Variants in ANTXR2 observed in about 807,000 individuals in gnomAD.
ANTXR2 encodes the protein anthrax toxin receptor 2.
ANTXR2 carries 44 observed loss-of-function variants against 73.7 expected under a neutral mutation model. The observed-to-expected ratio is 0.60, with a 90% CI of 0.47 to 0.77. ANTXR2 has a LOEUF of 0.77. Ranked by LOEUF, ANTXR2 falls within the 30% of genes least tolerant of loss-of-function variation. The probability of loss-of-function intolerance (pLI) is 0.00; values close to 1 mark genes in which losing one functional copy is unlikely to be tolerated. For synonymous variants in ANTXR2, 217 were observed against 205.9 expected (o/e 1.05, Z -0.46); for missense variants, 604 against 592.5 (o/e 1.02, Z -0.20).
chr4:80,005,566 T>C (rs1731264465), intron 12 of ANTXR2, among the ~76,000 whole-genome samples: 1 of 152,068 alleles, frequency 6.6e-6, no homozygotes, highest in South Asian at 2.1e-4. Context: ...CTCTGAAAAC[T>C]CAAGATCCTT....
intron 16 of ANTXR2, among the ~76,000 whole-genome samples, chr4:79,943,823 T>C (rs1240718992): frequency 6.6e-6 from 1 of 152,020 alleles, no homozygotes; most frequent in Non-Finnish European, 1.5e-5. Context: ...TGATGTCTGG[T>C]TACTGCTTTA....
chr4:79,982,064 A>C (rs1729915380), intron 14 of ANTXR2, among the ~76,000 whole-genome samples: 1 of 152,206 alleles, frequency 6.6e-6, no homozygotes, highest in Non-Finnish European at 1.5e-5. Context: ...TCCTTTAAAA[A>C]GAGATCTCAA....
intron 12 of ANTXR2, among the ~76,000 whole-genome samples, chr4:79,994,832 T>C (rs933058628): frequency 2.6e-5 from 4 of 152,004 alleles, no homozygotes; most frequent in Non-Finnish European, 5.9e-5. Flanking sequence ...CAAGATAAAC[T>C]ATCAAAGCCC....
chr4:79,977,432 G>T, intron 16 of ANTXR2, 189 bp downstream of exon 16: 1 of 1,169,876 alleles, frequency 8.5e-7, no homozygotes, highest in Non-Finnish European at 1.1e-6. Context: ...GTGTAAAAAT[G>T]TAGTTTGAAG....
chr4:80,000,885 A>G (rs924337446), intron 12 of ANTXR2, among the ~76,000 whole-genome samples: 2 of 152,056 alleles, frequency 1.3e-5, no homozygotes, highest in Non-Finnish European at 2.9e-5. Flanking sequence ...CAATATCTGA[A>G]TATGAATGAA....
At chr4:79,955,491 A>T (rs1306976057) in intron 16 of ANTXR2, among the ~76,000 whole-genome samples, 1 of 152,180 alleles carries the variant, frequency 6.6e-6, no homozygotes, top group Non-Finnish European at 1.5e-5. Context: ...ATTTAAACAT[A>T]TTCTAAACAA....
intron 7 of ANTXR2, among the ~76,000 whole-genome samples, chr4:80,039,200 A>G (rs569402084): frequency 6.6e-6 from 1 of 152,112 alleles, no homozygotes; most frequent in South Asian, 2.1e-4. Context: ...ACTTCACCAA[A>G]ACCATTTCCA....
intron 16 of ANTXR2, among the ~76,000 whole-genome samples, chr4:79,933,735 G>GATTT (rs1398279150): frequency 1.5e-5 from 1 of 68,946 alleles, no homozygotes; most frequent in Non-Finnish European, 2.5e-5. Flanking sequence ...TGGTGTGTTT[G>GATTT]TTTTTTTTTT....
intron 11 of ANTXR2, among the ~76,000 whole-genome samples, chr4:80,011,355 A>T (rs938090536): frequency 6.6e-5 from 10 of 151,890 alleles, no homozygotes; most frequent in African/African-American, 2.4e-4. Context: ...TCTGTCTATC[A>T]TCTATCTATC....
At position 79,919,877 on chromosome 4, in the gene ANTXR2, A is replaced by G. The variant is rs1727511601; in HGVS notation, c.1429-12410T>C. Among the ~76,000 whole-genome samples, 2 of 9,050 alleles carry G rather than the reference A, an allele frequency of 2.2e-4. 1 individual carries two copies. The highest frequency in any genetic ancestry group is 4.4e-4 in the Non-Finnish European group (2 of 4,548). The allele number at this position is 9,050 out of a possible 152,430, so 5.9% of individuals were successfully genotyped here. Reference sequence around the variant, plus strand: ...CCTAATACATATTTTATATATATATATATATATATATATATATATATATAT... The same window carrying G: ...CCTAATACATATTTTATATATATATGTATATATATATATATATATATATAT... On this transcript the variant is annotated intron_variant, in intron 16 of 16. Coordinates refer to ENST00000403729, the MANE Select transcript of ANTXR2 (RefSeq NM_058172.6).
At chr4:79,964,138 CT>C (rs1729256721) in intron 16 of ANTXR2, among the ~76,000 whole-genome samples, 1 of 152,184 alleles carries the variant, frequency 6.6e-6, no homozygotes, top group South Asian at 2.1e-4. Context: ...TGTATACACA[CT>C]TTTATGTCTG....
intron 16 of ANTXR2, among the ~76,000 whole-genome samples, chr4:79,934,542 C>CAAA (rs755634385): frequency 7.2e-6 from 1 of 138,258 alleles, no homozygotes; most frequent in Non-Finnish European, 1.5e-5. Context: ...ACAACAACAA[C>CAAA]AAAAAAAAAA....
At chr4:80,017,499 C>T (rs1196682117) in intron 11 of ANTXR2, among the ~76,000 whole-genome samples, 2 of 148,332 alleles carry the variant, frequency 1.3e-5, no homozygotes, top group Non-Finnish European at 3.0e-5. Flanking sequence ...ATTACCCTCA[C>T]TCAGGAGCAA....
intron 8 of ANTXR2, among the ~76,000 whole-genome samples, chr4:80,034,730 A>C (rs1732877072): frequency 6.6e-6 from 1 of 152,166 alleles, no homozygotes; most frequent in Non-Finnish European, 1.5e-5. Context: ...TTGCCTGCTT[A>C]AGGCTTCTTC....
intron 11 of ANTXR2, among the ~76,000 whole-genome samples, chr4:80,009,587 C>T (rs1043181878): frequency 3.9e-5 from 6 of 152,074 alleles, no homozygotes; most frequent in African/African-American, 9.7e-5. Flanking sequence ...CAATGGCTCA[C>T]GCCTGTAATC....
At chr4:80,049,087 G>A (rs1733652896) in intron 7 of ANTXR2, among the ~76,000 whole-genome samples, 1 of 150,792 alleles carries the variant, frequency 6.6e-6, no homozygotes. Flanking sequence ...CTTCACAACT[G>A]ATTTATTTCT....
rs1003608735 is a variant in ANTXR2 at position 79,905,123 on chromosome 4, T to C, written c.*2306A>G. ...AGCTGTATAACAATCTACAGAAAGT[T>C]ATTTTTCCATTTAAAGGCAGAGGTT... On this transcript the variant is annotated 3_prime_UTR_variant, in exon 17 of 17. Coordinates refer to ENST00000403729, the MANE Select transcript of ANTXR2 (RefSeq NM_058172.6). 5.9e-5 allele frequency: 9 copies of C among 152,214 alleles called. No individual in the cohort carries two copies. Among genetic ancestry groups the C allele is most frequent in the Non-Finnish European group, 1.3e-4 (9 of 68,034 alleles). 9.4% of individuals were successfully genotyped at this position (152,214 alleles called of 1,614,324 possible).
At chr4:79,986,952 C>CAAACCCTCAAG (rs1405985333) in intron 12 of ANTXR2, among the ~76,000 whole-genome samples, 1 of 152,212 alleles carries the variant, frequency 6.6e-6, no homozygotes, top group Non-Finnish European at 1.5e-5. Context: ...ATACTGCCTT[C>CAAACCCTCAAG]AAACCCTCAA....
At chr4:79,948,826 G>T (rs544291688) in intron 16 of ANTXR2, among the ~76,000 whole-genome samples, 1 of 152,206 alleles carries the variant, frequency 6.6e-6, no homozygotes, top group Admixed American at 6.5e-5. Flanking sequence ...ACAGAGAAAA[G>T]TCTCTGTAGG....
Sources: gnomAD v4.1 joint callset for allele counts (sites outside exome capture counted in the v4.1 genomes callset) on GRCh38, gnomAD v4.1.1 for gene constraint, MANE v1.5 for transcripts, NCBI Gene and HGNC (gene_info 2026-07-23, HGNC 2026-07-21) for gene names.